The following SCFD2 variants were observed in gnomAD, a reference collection of about 807,000 sequenced individuals.
SCFD2 encodes sec1 family domain containing 2, also known as sec1 family domain-containing protein 2.
In SCFD2, 54 loss-of-function variants were observed where a neutral mutation model predicts 58.9. That is an observed-to-expected ratio of 0.92 (90% CI 0.74 to 1.15). The LOEUF (loss-of-function observed/expected upper bound fraction) is 1.15. Ranked by LOEUF, SCFD2 falls within the 50% of genes most tolerant of loss-of-function variation. SCFD2 has a pLI of 0.00. For missense variants in SCFD2, 805 were observed against 836.6 expected (o/e 0.96, Z 0.47); for synonymous variants, 321 against 335.9 (o/e 0.96, Z 0.49).
At chr4:53,301,293 A>T (rs1732280677) in intron 3 of SCFD2, among the ~76,000 whole-genome samples, 1 of 152,222 alleles carries the variant, frequency 6.6e-6, no homozygotes, top group Admixed American at 6.5e-5. Flanking sequence ...ACAGAAATAC[A>T]AATTACCATC....
intron 4 of SCFD2, among the ~76,000 whole-genome samples, chr4:53,202,822 CTGTT>C (rs1337728958): frequency 2.0e-5 from 3 of 152,030 alleles, no homozygotes; most frequent in African/African-American, 4.8e-5. Context: ...ATTTGGCTCT[CTGTT>C]TGTCTGTTAT....
chr4:53,016,936 G>A (rs185908570), intron 5 of SCFD2, among the ~76,000 whole-genome samples: 5 of 152,186 alleles, frequency 3.3e-5, no homozygotes, highest in Non-Finnish European at 4.4e-5. Flanking sequence ...GTGAAACCCC[G>A]TTTCTACTAA....
chr4:53,364,094 C>A (rs1734629605), intron 1 of SCFD2, among the ~76,000 whole-genome samples: 1 of 152,134 alleles, frequency 6.6e-6, no homozygotes, highest in Admixed American at 6.5e-5. Flanking sequence ...CTCTGTGATG[C>A]TACAGTTATT....
intron 5 of SCFD2, among the ~76,000 whole-genome samples, chr4:52,929,685 C>A (rs771184994): frequency 6.6e-5 from 10 of 152,168 alleles, no homozygotes; most frequent in Admixed American, 1.3e-4. Flanking sequence ...GCCCAGAAAG[C>A]GGGAATCCTG....
At chr4:52,906,344 G>T (rs1437085833) in intron 7 of SCFD2, among the ~76,000 whole-genome samples, 1 of 152,206 alleles carries the variant, frequency 6.6e-6, no homozygotes, top group African/African-American at 2.4e-5. Context: ...TGAAAGAAAA[G>T]AATGCTCAAG....
chr4:52,989,328 T>C (rs1488738720), intron 5 of SCFD2, among the ~76,000 whole-genome samples: 4 of 152,230 alleles, frequency 2.6e-5, no homozygotes, highest in Non-Finnish European at 5.9e-5. Context: ...AAGACCAACA[T>C]GCCACTATGG....
chr4:52,986,156 C>G (rs886166800), intron 5 of SCFD2, among the ~76,000 whole-genome samples: 1 of 152,020 alleles, frequency 6.6e-6, no homozygotes, highest in East Asian at 1.9e-4. Flanking sequence ...CTCTTTGCCC[C>G]GTGAGAATTA....
chr4:52,906,331 G>A (rs1719347900), intron 7 of SCFD2, among the ~76,000 whole-genome samples: 1 of 152,196 alleles, frequency 6.6e-6, no homozygotes, highest in African/African-American at 2.4e-5. Flanking sequence ...CCATGCCTGT[G>A]AATGAAAGAA....
At chr4:53,067,436 AT>A (rs1384036552) in intron 5 of SCFD2, among the ~76,000 whole-genome samples, 1 of 152,022 alleles carries the variant, frequency 6.6e-6, no homozygotes, top group Middle Eastern at 3.2e-3. Flanking sequence ...GGGTATGTGC[AT>A]TTAATATGGT....
chr4:53,007,344 G>C (rs1316920603), intron 5 of SCFD2, among the ~76,000 whole-genome samples: 3 of 130,494 alleles, frequency 2.3e-5, no homozygotes, highest in Non-Finnish European at 4.8e-5. Context: ...GGGAGAGAGA[G>C]AGAGAGAGAA....
At chr4:53,144,617 C>T (rs569050367) in intron 5 of SCFD2, among the ~76,000 whole-genome samples, 1 of 150,332 alleles carries the variant, frequency 6.7e-6, no homozygotes, top group South Asian at 2.1e-4. Context: ...TGTGTAACAT[C>T]TCAAAGAAAC....
chr4:53,096,295 T>C (rs1724631495), intron 5 of SCFD2, among the ~76,000 whole-genome samples: 1 of 152,238 alleles, frequency 6.6e-6, no homozygotes, highest in South Asian at 2.1e-4. Context: ...ATCGCCATGC[T>C]GTCTTCCACA....
intron 4 of SCFD2, among the ~76,000 whole-genome samples, chr4:53,264,614 G>A (rs1013135619): frequency 1.3e-5 from 2 of 152,170 alleles, no homozygotes; most frequent in African/African-American, 4.8e-5. Context: ...GGGTGTTGGT[G>A]AAGTCAGGAA....
chr4:52,933,866 C>A (rs1008603318), intron 5 of SCFD2, among the ~76,000 whole-genome samples: 2 of 152,152 alleles, frequency 1.3e-5, no homozygotes, highest in Admixed American at 6.5e-5. Context: ...GAGGAGCCCT[C>A]GGAGTGGGTT....
intron 5 of SCFD2, among the ~76,000 whole-genome samples, chr4:53,011,840 CATT>C (rs1722099758): frequency 6.6e-6 from 1 of 152,120 alleles, no homozygotes; most frequent in African/African-American, 2.4e-5. Context: ...GCCTTCATAA[CATT>C]ATTATTTCTT....
intron 5 of SCFD2, among the ~76,000 whole-genome samples, chr4:53,031,683 T>C (rs558256724): frequency 1.6e-4 from 24 of 152,134 alleles, no homozygotes; most frequent in African/African-American, 5.8e-4. Flanking sequence ...AGAAAGGATA[T>C]CAATGATTGA....
intron 4 of SCFD2, among the ~76,000 whole-genome samples, chr4:53,214,850 C>T (rs1728759622): frequency 1.3e-5 from 2 of 152,086 alleles, no homozygotes; most frequent in African/African-American, 4.8e-5. Flanking sequence ...GGAAGGGATC[C>T]AGTTTCAGCT....
At chr4:53,251,204 G>A (rs1277099176) in intron 4 of SCFD2, among the ~76,000 whole-genome samples, 214 of 152,130 alleles carry the variant, frequency 1.4e-3, no homozygotes, top group Middle Eastern at 6.8e-3. Context: ...ATCTCTGAAT[G>A]GACCAATAAC....
At chr4:53,136,256 T>C (rs1421669251) in intron 5 of SCFD2, among the ~76,000 whole-genome samples, 1 of 152,206 alleles carries the variant, frequency 6.6e-6, no homozygotes, top group South Asian at 2.1e-4. Flanking sequence ...GACACAAACC[T>C]TAGTCCTATC....
Sources: gnomAD v4.1 joint callset for allele counts (sites outside exome capture counted in the v4.1 genomes callset) on GRCh38, gnomAD v4.1.1 for gene constraint, MANE v1.5 for transcripts, NCBI Gene and HGNC (gene_info 2026-07-23, HGNC 2026-07-21) for gene names.